NTRK2: variants seen among roughly 807,000 people sequenced by gnomAD.
NTRK2 encodes BDNF/NT-3 growth factors receptor.
Under a neutral mutation model 94.5 loss-of-function variants are expected in NTRK2, and 13 were observed. The ratio of observed to expected loss-of-function variants is 0.14; its 90% CI spans 0.09 to 0.22. The LOEUF (loss-of-function observed/expected upper bound fraction) is 0.22, where lower values mean the gene tolerates loss of function less well. NTRK2 is among the 10% of genes least tolerant of loss of function. The pLI, the probability that NTRK2 is intolerant of heterozygous loss-of-function variation, is 1.00. For synonymous variants in NTRK2, 372 were observed against 407.4 expected, an observed-to-expected ratio of 0.91 and a Z score of 1.05; for missense variants, 639 against 1,071.2, an observed-to-expected ratio of 0.60 and a Z score of 5.63.
intron 12 of NTRK2, among the ~76,000 whole-genome samples, chr9:84,854,521 C>A (rs1194915408): frequency 1.3e-5 from 2 of 151,738 alleles, no homozygotes; most frequent in African/African-American, 4.8e-5. Flanking sequence ...CATATGGGTA[C>A]CTATTGAAAA....
chr9:84,687,691 G>T (rs1298297866), intron 2 of NTRK2, among the ~76,000 whole-genome samples: 1 of 152,154 alleles, frequency 6.6e-6, no homozygotes, highest in Non-Finnish European at 1.5e-5. Flanking sequence ...TTTTATATAT[G>T]CTTATATTGA....
chr9:84,745,715 G>C lies in NTRK2; in HGVS notation c.1296+642G>C, dbSNP rs116831019. On this transcript the variant is annotated intron_variant, in intron 11 of 18. Transcript: ENST00000277120. ...TTTGACATACAGGAATGGAAGAGAA[G>C]GGCATTTGGGGCATGTGAACAGGAG... 7.5e-3 allele frequency among the ~76,000 whole-genome samples: 1,146 copies of C among 152,306 alleles called. 16 individuals carry two copies. The highest frequency in any genetic ancestry group is 0.026 in the African/African-American group (1,094 of 41,562).
At chr9:84,676,607 A>G (rs2059070450) in intron 2 of NTRK2, among the ~76,000 whole-genome samples, 1 of 152,226 alleles carries the variant, frequency 6.6e-6, no homozygotes, top group Non-Finnish European at 1.5e-5. Flanking sequence ...AGGCCGACTC[A>G]TTAACAGCAT....
At chr9:84,683,066 G>A (rs2059492830) in intron 2 of NTRK2, among the ~76,000 whole-genome samples, 1 of 152,066 alleles carries the variant, frequency 6.6e-6, no homozygotes, top group Non-Finnish European at 1.5e-5. Flanking sequence ...CCTCCAGAAG[G>A]CCCCACCTCC....
chr9:84,974,219 C>G (rs1014587766), intron 17 of NTRK2, among the ~76,000 whole-genome samples: 2 of 152,216 alleles, frequency 1.3e-5, no homozygotes, highest in Admixed American at 1.3e-4. Flanking sequence ...ATAACAGTGT[C>G]TGAACCCCAC....
At chr9:84,870,253 C>T (rs6559832) in intron 14 of NTRK2, among the ~76,000 whole-genome samples, 113,735 of 131,182 alleles carry the variant, frequency 0.87, 49,445 homozygotes, top group African/African-American at 0.92. Context: ...TATATGTACA[C>T]ATACCTATAT....
intron 16 of NTRK2, among the ~76,000 whole-genome samples, chr9:84,952,453 A>AT (rs974120892): frequency 4.6e-5 from 7 of 152,000 alleles, no homozygotes; most frequent in African/African-American, 7.3e-5. Flanking sequence ...TAATTTTGTT[A>AT]TTTTTTTACC....
chr9:84,791,729 T>C (rs2133213004), intron 12 of NTRK2, among the ~76,000 whole-genome samples: 1 of 152,356 alleles, frequency 6.6e-6, no homozygotes, highest in East Asian at 1.9e-4. Context: ...GATTTTATGG[T>C]CCTATGTGGC....
intron 6 of NTRK2, among the ~76,000 whole-genome samples, chr9:84,713,569 A>G (rs770603561): frequency 2.0e-5 from 3 of 151,982 alleles, no homozygotes; most frequent in Non-Finnish European, 4.4e-5. Flanking sequence ...TTGCTGGAGT[A>G]TATCTTCTAA....
intron 9 of NTRK2, among the ~76,000 whole-genome samples, chr9:84,733,972 A>G (rs916247643): frequency 6.6e-6 from 1 of 152,214 alleles, no homozygotes; most frequent in African/African-American, 2.4e-5. Flanking sequence ...TCCACTTTCC[A>G]TATTATTTAA....
At chr9:84,880,051 T>C (rs2076208939) in intron 14 of NTRK2, among the ~76,000 whole-genome samples, 1 of 152,182 alleles carries the variant, frequency 6.6e-6, no homozygotes, top group Admixed American at 6.5e-5. Context: ...TTATGTAAAA[T>C]TCCACTTTTT....
rs112164646 is a variant in NTRK2, at chr9:84,816,972, G to A, written c.1397-44068G>A. On this transcript the variant is annotated intron_variant, in intron 12 of 18. Coordinates refer to ENST00000277120, the MANE Select transcript of NTRK2 (RefSeq NM_006180.6). ...AGGTTTGAATCCCAGCTATGCTCAC[G>A]AACAATATAATCTTGGGAAAGTTCT... Among the ~76,000 whole-genome samples, 354 of 152,128 alleles carry A rather than the reference G, an allele frequency of 2.3e-3. 2 individuals carry two copies. Among genetic ancestry groups the A allele is most frequent in the African/African-American group, 8.0e-3 (330 of 41,504 alleles).
chr9:84,671,556 C>T lies in NTRK2; in HGVS notation c.212+596C>T, dbSNP rs546742257. ...GAAGTTCTGAGTGTTGAAATGCACT[C>T]GCTCAAAAGAAAAAAATATGATAGT... On this transcript the variant is annotated intron_variant, in intron 2 of 18. Coordinates refer to ENST00000277120, the MANE Select transcript of NTRK2 (RefSeq NM_006180.6). Among the ~76,000 whole-genome samples, 6 of 152,182 alleles carry T rather than the reference C, an allele frequency of 3.9e-5. No individual in the cohort carries two copies. In the East Asian group the frequency reaches 9.6e-4, roughly 24 times the overall value.
chr9:84,924,972 A>G (rs1005962723), intron 14 of NTRK2, among the ~76,000 whole-genome samples: 3 of 152,132 alleles, frequency 2.0e-5, no homozygotes, highest in African/African-American at 7.2e-5. Flanking sequence ...CTAAATAGAG[A>G]GGCTTAGGAT....
chr9:84,882,697 AGTGTGT>A (rs71847053), intron 14 of NTRK2, among the ~76,000 whole-genome samples: 3 of 149,706 alleles, frequency 2.0e-5, no homozygotes, highest in Non-Finnish European at 1.5e-5. Context: ...CTTTTGTTCT[AGTGTGT>A]GTGTGTGTGT....
intron 14 of NTRK2, chr9:84,876,155 T>G: frequency 9.6e-7 from 1 of 1,040,264 alleles, no homozygotes; most frequent in Non-Finnish European, 1.2e-6. Flanking sequence ...AGCTCCTCAT[T>G]AGATAATAAT....
intron 4 of NTRK2, 121 bp from the exon 5 acceptor site, chr9:84,707,723 A>G (rs2061194468): frequency 2.7e-6 from 2 of 748,064 alleles, no homozygotes; most frequent in Admixed American, 2.1e-5. Context: ...ATCTGGATGT[A>G]AGTAAAGCTT....
At chr9:84,738,858 TG>T (rs369096921) in intron 9 of NTRK2, among the ~76,000 whole-genome samples, 27 of 152,176 alleles carry the variant, frequency 1.8e-4, no homozygotes, top group Non-Finnish European at 2.6e-4. Context: ...ATTTGGCTGT[TG>T]TGGACAAAAG....
intron 14 of NTRK2, 52 bp downstream of exon 14, chr9:84,867,483 A>C: frequency 1.4e-6 from 2 of 1,476,110 alleles, no homozygotes; most frequent in Non-Finnish European, 1.9e-6. Flanking sequence ...AGCTGTATCA[A>C]CCAGAGTGTT....
Sources: gnomAD v4.1 joint callset for allele counts (sites outside exome capture counted in the v4.1 genomes callset) on GRCh38, gnomAD v4.1.1 for gene constraint, MANE v1.5 for transcripts, NCBI Gene and HGNC (gene_info 2026-07-23, HGNC 2026-07-21) for gene names.